METTL8: variants seen among roughly 807,000 people sequenced by gnomAD.
METTL8 encodes the protein methyltransferase 8, tRNA N3-cytidine.
In METTL8, 32 loss-of-function variants were observed where a neutral mutation model predicts 48.7. The observed-to-expected ratio is 0.66, with a 90% CI of 0.50 to 0.88. The LOEUF is 0.88. Ranked by LOEUF, METTL8 falls within the 40% of genes least tolerant of loss-of-function variation. The probability of loss-of-function intolerance (pLI) is 0.00; values close to 1 mark genes in which losing one functional copy is unlikely to be tolerated. For synonymous variants in METTL8, 136 were observed against 157.1 expected (o/e 0.87, Z 1.01); for missense variants, 464 against 474.4 (o/e 0.98, Z 0.20).
intron 1 of METTL8, among the ~76,000 whole-genome samples, chr2:171,393,347 A>G (rs559672659): frequency 1.1e-4 from 16 of 143,676 alleles, no homozygotes; most frequent in Non-Finnish European, 2.0e-4. Context: ...GTAGTGAGCC[A>G]TGATCATGCC....
chr2:171,340,498 C>CAAAAAAAAAAAAAAA, intron 3 of METTL8, among the ~76,000 whole-genome samples: 1 of 42,910 alleles, frequency 2.3e-5, no homozygotes, highest in Non-Finnish European at 4.6e-5. Context: ...TGAGTTGTCT[C>CAAAAAAAAAAAAAAA]AAAAAAAAAA....
At chr2:171,370,919 T>A (rs1362066806) in intron 2 of METTL8, among the ~76,000 whole-genome samples, 1 of 152,228 alleles carries the variant, frequency 6.6e-6, no homozygotes, top group East Asian at 1.9e-4. Flanking sequence ...TGCAATGTTC[T>A]GCTCCTGACT....
intron 1 of METTL8, among the ~76,000 whole-genome samples, chr2:171,421,647 T>C (rs1365351309): frequency 2.0e-5 from 3 of 152,168 alleles, no homozygotes; most frequent in African/African-American, 4.8e-5. Flanking sequence ...TTGAATACAA[T>C]GGGTTTAAAC....
intron 1 of METTL8, among the ~76,000 whole-genome samples, chr2:171,410,617 T>G (rs1363896235): frequency 2.6e-5 from 4 of 152,232 alleles, no homozygotes; most frequent in African/African-American, 9.6e-5. Flanking sequence ...TAGCAAAACA[T>G]TTTTGAAATT....
chr2:171,342,630 C>G (rs1225073547), intron 3 of METTL8, among the ~76,000 whole-genome samples: 2 of 151,618 alleles, frequency 1.3e-5, no homozygotes, highest in East Asian at 3.9e-4. Context: ...AAAAAAAACT[C>G]TCTTTGTAAC....
chr2:171,431,746 G>C (rs1693047257), intron 1 of METTL8, among the ~76,000 whole-genome samples: 1 of 152,224 alleles, frequency 6.6e-6, no homozygotes, highest in Non-Finnish European at 1.5e-5. Context: ...GCCAGCCCCA[G>C]GGCCATGGGC....
intron 2 of METTL8, among the ~76,000 whole-genome samples, chr2:171,361,364 T>C (rs1027159298): frequency 6.6e-6 from 1 of 152,100 alleles, no homozygotes; most frequent in African/African-American, 2.4e-5. Context: ...CATATTCAAG[T>C]TGCATTTAGC....
intron 1 of METTL8, among the ~76,000 whole-genome samples, chr2:171,423,642 C>T (rs78480379): frequency 6.6e-6 from 1 of 152,198 alleles, no homozygotes; most frequent in African/African-American, 2.4e-5. Flanking sequence ...TTTGTCCCTG[C>T]CCTAGAGATC....
chr2:171,332,986 G>A lies in METTL8; in HGVS notation c.657-1119C>T, dbSNP rs182835873. Reference sequence around the variant, plus strand: ...CATTAAGACTTCTAATCTGACTCAAGAAGCATTCCAAGCAAGGTGAACCTC... The same window carrying A: ...CATTAAGACTTCTAATCTGACTCAAAAAGCATTCCAAGCAAGGTGAACCTC... On this transcript the variant is annotated intron_variant, in intron 5 of 9. Coordinates refer to ENST00000375258, the MANE Select transcript of METTL8 (RefSeq NM_001321154.2). 1.8e-3 allele frequency among the ~76,000 whole-genome samples: 258 copies of A among 145,792 alleles called. 4 individuals are homozygous for A. Among genetic ancestry groups the A allele is most frequent in the Admixed American group, 0.018 (256 of 14,532 alleles).
chr2:171,337,618 G>C, intron 4 of METTL8, 116 bp from the exon 5 acceptor site: 1 of 664,846 alleles, frequency 1.5e-6, no homozygotes, highest in Non-Finnish European at 2.5e-6. Flanking sequence ...CTGGGCACAG[G>C]ATAATTTTCT....
intron 1 of METTL8, among the ~76,000 whole-genome samples, chr2:171,425,181 C>T (rs1692276474): frequency 6.6e-6 from 1 of 152,152 alleles, no homozygotes; most frequent in African/African-American, 2.4e-5. Context: ...GTCAATTAAA[C>T]CTCTTCCCTT....
At chr2:171,326,498 G>C (rs1430661571) in intron 7 of METTL8, 1 of 187,072 alleles carries the variant, frequency 5.3e-6, no homozygotes, top group Non-Finnish European at 1.1e-5. Context: ...CAACAATGGA[G>C]TGTGCTTCAT....
At chr2:171,372,482 A>T (rs956358424) in intron 2 of METTL8, among the ~76,000 whole-genome samples, 20 of 150,252 alleles carry the variant, frequency 1.3e-4, no homozygotes, top group African/African-American at 3.2e-4. Flanking sequence ...ATTTCTTTTT[A>T]TTATTATTAT....
chr2:171,324,465 A>C, intron 9 of METTL8, 103 bp from the exon 10 acceptor site: 1 of 1,044,640 alleles, frequency 9.6e-7, no homozygotes. Flanking sequence ...AATTTCATTT[A>C]TACAAGAAAC....
intron 7 of METTL8, among the ~76,000 whole-genome samples, chr2:171,326,788 C>G (rs1484561757): frequency 6.6e-6 from 1 of 152,140 alleles, no homozygotes; most frequent in Non-Finnish European, 1.5e-5. Context: ...CCCCTATCTC[C>G]TTAGGCCTGG....
chr2:171,402,094 G>A (rs1313647129), intron 1 of METTL8, among the ~76,000 whole-genome samples: 1 of 152,146 alleles, frequency 6.6e-6, no homozygotes, highest in Non-Finnish European at 1.5e-5. Context: ...ACTAGTGGTG[G>A]CTCTGAGAAG....
chr2:171,359,644 C>T (rs866267033), intron 3 of METTL8, among the ~76,000 whole-genome samples: 1 of 151,532 alleles, frequency 6.6e-6, no homozygotes, highest in East Asian at 1.9e-4. Flanking sequence ...GACGGAGTCT[C>T]GCTCTGTCGC....
intron 1 of METTL8, among the ~76,000 whole-genome samples, chr2:171,396,609 A>C (rs1476542327): frequency 6.6e-6 from 1 of 152,198 alleles, no homozygotes; most frequent in Non-Finnish European, 1.5e-5. Context: ...CAAAATAATA[A>C]TAAGATAGCT....
chr2:171,379,716 C>T (rs767213334), intron 2 of METTL8, among the ~76,000 whole-genome samples: 2 of 152,104 alleles, frequency 1.3e-5, no homozygotes, highest in Non-Finnish European at 2.9e-5. Flanking sequence ...AAGTTCAATC[C>T]TTGAATAGAC....
Sources: gnomAD v4.1 joint callset for allele counts (sites outside exome capture counted in the v4.1 genomes callset) on GRCh38, gnomAD v4.1.1 for gene constraint, MANE v1.5 for transcripts, NCBI Gene and HGNC (gene_info 2026-07-23, HGNC 2026-07-21) for gene names.